The following PRKAG2 variants were observed in gnomAD, a reference collection of about 807,000 sequenced individuals.
PRKAG2 encodes 5'-AMP-activated protein kinase subunit gamma-2.
Under a neutral mutation model 69.6 loss-of-function variants are expected in PRKAG2, and 26 were observed. That is an observed-to-expected ratio of 0.37 (90% confidence interval 0.27 to 0.52). PRKAG2 has a LOEUF of 0.52. Among genes scored for constraint, PRKAG2 ranks in the 20% least tolerant of loss-of-function variants. PRKAG2 has a pLI of 0.90. For missense variants in PRKAG2, 557 were observed against 740.0 expected (o/e 0.75, Z 2.87); for synonymous variants, 293 against 285.0 (o/e 1.03, Z -0.28).
At chr7:151,566,530 G>GT (rs1806296158) in intron 11 of PRKAG2, 1 of 432,478 alleles carries the variant, frequency 2.3e-6, no homozygotes, top group South Asian at 1.7e-5. Context: ...CTAGGATCAT[G>GT]TTTGAGTATA....
intron 9 of PRKAG2, 30 bp downstream of exon 9, chr7:151,572,634 A>G (rs1807850471): frequency 3.2e-6 from 5 of 1,543,454 alleles, no homozygotes; most frequent in Non-Finnish European, 2.7e-6. Context: ...TCCCGATACT[A>G]AAAGATTTTA....
intron 3 of PRKAG2, among the ~76,000 whole-genome samples, chr7:151,755,262 C>T (rs1415486454): frequency 6.6e-6 from 1 of 152,164 alleles, no homozygotes; most frequent in East Asian, 1.9e-4. Context: ...AATCGGGAAT[C>T]TGGGAGGCAC....
rs1172557432 is a variant in PRKAG2 at position 151,634,939 on chromosome 7, GT to G, written c.685-2802del. ...GGTGGGAATGCAAAATGGAACCACT[GT>G]TTTTTTTTTTTTTTTTCTTTTTTTT... On this transcript the variant is annotated intron_variant, in intron 4 of 15. Transcript: ENST00000287878. 7.0e-3 allele frequency among the ~76,000 whole-genome samples: 859 copies of G among 123,572 alleles called. 8 individuals carry two copies. Among genetic ancestry groups the G allele is most frequent in the Middle Eastern group, 0.026 (6 of 234 alleles). 81.1% of individuals were successfully genotyped at this position (123,572 alleles called of 152,430 possible). A position where few individuals can be genotyped will look rare whatever the true frequency, so the allele number is the denominator to read the frequency against.
In PRKAG2 at chr7:151,632,252, G is replaced by A; in HGVS notation, c.685-114C>T. ...TGGCTCTGCCGCGCCGCCGGGAGGA[G>A]GGGCCTGGCAGGGGACGCGGGCAGC... On this transcript the variant is annotated intron_variant, in intron 4 of 15. Coordinates refer to ENST00000287878, the MANE Select transcript of PRKAG2 (RefSeq NM_016203.4). This position sits in a 1 kb window ranked among gnomAD's most constrained non-coding sequence, Gnocchi z 4.2. 1 of 1,062,876 alleles carries A rather than the reference G, an allele frequency of 9.4e-7. No individual in the cohort carries two copies. The allele number at this position is 1,062,876 out of a possible 1,614,324, so 65.8% of individuals were successfully genotyped here.
intron 6 of PRKAG2, among the ~76,000 whole-genome samples, chr7:151,577,585 T>C (rs926954034): frequency 3.3e-5 from 5 of 152,302 alleles, no homozygotes; most frequent in African/African-American, 1.2e-4. Context: ...ACACAGCTAG[T>C]GTCAAGAATC....
At chr7:151,673,466 G>A (rs1317181863) in intron 4 of PRKAG2, among the ~76,000 whole-genome samples, 10 of 151,968 alleles carry the variant, frequency 6.6e-5, no homozygotes, top group Non-Finnish European at 1.3e-4. Flanking sequence ...TCATTATCCC[G>A]GCGAAACCGC....
chr7:151,607,945 G>A (rs1015415066), intron 5 of PRKAG2, among the ~76,000 whole-genome samples: 2 of 152,186 alleles, frequency 1.3e-5, no homozygotes, highest in Admixed American at 6.5e-5. Flanking sequence ...CTCTGCAGAT[G>A]TAACTAAGGT....
intron 6 of PRKAG2, among the ~76,000 whole-genome samples, chr7:151,593,121 T>A (rs898737402): frequency 6.6e-6 from 1 of 152,234 alleles, no homozygotes; most frequent in African/African-American, 2.4e-5. Context: ...TCTCTAGGGT[T>A]TAGCCAAAAT....
In PRKAG2 at chr7:151,659,967, G is replaced by A. The variant is rs1830072951; in HGVS notation, c.684+15453C>T. Reference sequence around the variant, plus strand: ...CCAGCTACTCGGGAGGCCGAGGTGGGAGGACTGCTTGAGGCTGGGAGTTCG... The same window carrying A: ...CCAGCTACTCGGGAGGCCGAGGTGGAAGGACTGCTTGAGGCTGGGAGTTCG... On this transcript the variant is annotated intron_variant, in intron 4 of 15. Coordinates refer to ENST00000287878, the MANE Select transcript of PRKAG2 (RefSeq NM_016203.4). Among the ~76,000 whole-genome samples the A allele has an allele frequency of 1.3e-5, 2 of 152,240 alleles. 1 individual carries two copies. The highest frequency in any genetic ancestry group is 4.8e-5 in the African/African-American group (2 of 41,464).
Position 151,828,191 on chromosome 7 carries a change from C to T in PRKAG2, c.115-41650G>A, listed in dbSNP as rs575411133. Among the ~76,000 whole-genome samples the T allele has an allele frequency of 2.6e-5, 4 of 152,334 alleles. No individual in the cohort carries two copies. The East Asian group carries it at 5.8e-4, about 22-fold the overall frequency. On this transcript the variant is annotated intron_variant, in intron 1 of 15. Coordinates refer to ENST00000287878, the MANE Select transcript of PRKAG2 (RefSeq NM_016203.4). The surrounding 1 kb of genome is among the most constrained non-coding windows in gnomAD (Gnocchi z 4.6). ...GCAACTCTTTGTCCAGGGGTCTCCACGCTTTTGTGAGGAAGAGCTACCTCT... is the reference window on the plus strand; with the variant it reads ...GCAACTCTTTGTCCAGGGGTCTCCATGCTTTTGTGAGGAAGAGCTACCTCT...
intron 4 of PRKAG2, among the ~76,000 whole-genome samples, chr7:151,636,470 G>A (rs565658444): frequency 6.6e-6 from 1 of 152,086 alleles, no homozygotes; most frequent in South Asian, 2.1e-4. Flanking sequence ...ATTGTAACAC[G>A]GATCAGCACT....
chr7:151,755,941 T>C (rs920979787), intron 3 of PRKAG2, among the ~76,000 whole-genome samples: 8 of 152,118 alleles, frequency 5.3e-5, no homozygotes, highest in African/African-American at 1.7e-4. Flanking sequence ...CACCATGAGG[T>C]TCCTCCAGGA....
At chr7:151,810,728 C>T (rs2078376040) in intron 1 of PRKAG2, 1 of 153,770 alleles carries the variant, frequency 6.5e-6, no homozygotes, top group Non-Finnish European at 1.5e-5. Context: ...CCATTATTAC[C>T]AGGCAGATGG....
chr7:151,727,741 G>A (rs1022054020), intron 3 of PRKAG2, among the ~76,000 whole-genome samples: 3 of 152,152 alleles, frequency 2.0e-5, no homozygotes, highest in Non-Finnish European at 1.5e-5. Flanking sequence ...GAGGGAGGAG[G>A]GGCCTTCAGG....
intron 3 of PRKAG2, among the ~76,000 whole-genome samples, chr7:151,778,393 C>T (rs999145903): frequency 4.6e-5 from 7 of 152,210 alleles, no homozygotes; most frequent in Admixed American, 4.6e-4. Context: ...CAGATGCTGG[C>T]ACCATGCCTC....
Position 151,728,116 on chromosome 7 carries a change from G to C in PRKAG2, c.467-52479C>G, listed in dbSNP as rs932941721. Among the ~76,000 whole-genome samples, 37 of 152,058 alleles carry C rather than the reference G, an allele frequency of 2.4e-4. 2 individuals are homozygous for C. ...CCGGGAGGGGAGACGCCACCTCCTGGGGACTTGCACCCCAACCAGCACCAC... is the reference window on the plus strand; with the variant it reads ...CCGGGAGGGGAGACGCCACCTCCTGCGGACTTGCACCCCAACCAGCACCAC... On this transcript the variant is annotated intron_variant, in intron 3 of 15. Coordinates refer to ENST00000287878, the MANE Select transcript of PRKAG2 (RefSeq NM_016203.4).
intron 6 of PRKAG2, among the ~76,000 whole-genome samples, chr7:151,590,044 T>C (rs1585080450): frequency 1.3e-5 from 2 of 152,204 alleles, no homozygotes; most frequent in Admixed American, 6.5e-5. Context: ...GTTGAGCTCT[T>C]TGTCAGTGGG....
At chr7:151,713,784 C>T (rs1186545601) in intron 3 of PRKAG2, among the ~76,000 whole-genome samples, 1 of 151,982 alleles carries the variant, frequency 6.6e-6, no homozygotes, top group Non-Finnish European at 1.5e-5. Context: ...CTATGTTGCC[C>T]AGGCTGGCCT....
intron 5 of PRKAG2, among the ~76,000 whole-genome samples, chr7:151,608,744 C>T (rs879133073): frequency 8.6e-5 from 13 of 151,468 alleles, no homozygotes; most frequent in Admixed American, 6.6e-5. Context: ...AAAAACAAAA[C>T]AAAACAAAAA....
Sources: gnomAD v4.1 joint callset for allele counts (sites outside exome capture counted in the v4.1 genomes callset) on GRCh38, gnomAD v4.1.1 for gene constraint, Gnocchi (gnomAD v3.1) non-coding constraint, MANE v1.5 for transcripts, NCBI Gene and HGNC (gene_info 2026-07-23, HGNC 2026-07-21) for gene names.